RNF144A: variants seen among roughly 807,000 people sequenced by gnomAD.
RNF144A encodes ring finger protein 144A, also known as E3 ubiquitin-protein ligase RNF144A.
RNF144A carries 11 observed loss-of-function variants against 38.7 expected under a neutral mutation model. The observed-to-expected ratio is 0.28, with a 90% CI of 0.18 to 0.47. The LOEUF (loss-of-function observed/expected upper bound fraction) is 0.47, where lower values mean the gene tolerates loss of function less well. Among genes scored for constraint, RNF144A ranks in the 20% least tolerant of loss-of-function variants. The pLI is 0.99. For synonymous variants in RNF144A, 149 were observed against 143.9 expected (o/e 1.04, Z -0.25); for missense variants, 316 against 377.2 (o/e 0.84, Z 1.34).
In RNF144A at chr2:7,043,980, A is replaced by T; in HGVS notation, c.*4220A>T. On this transcript the variant is annotated 3_prime_UTR_variant, in exon 9 of 9. Coordinates refer to ENST00000320892, the MANE Select transcript of RNF144A (RefSeq NM_014746.6). Reference sequence around the variant, plus strand: ...TTGAAATGTCAGTACATTTTGTGCCACTAACACTGTGATGTATAAAAGAGC... The same window carrying T: ...TTGAAATGTCAGTACATTTTGTGCCTCTAACACTGTGATGTATAAAAGAGC... The T allele has an allele frequency of 1.0e-6, 1 of 985,900 alleles. No individual in the cohort carries two copies. The highest frequency in any genetic ancestry group is 1.2e-6 in the Non-Finnish European group (1 of 829,916). 61.1% of individuals were successfully genotyped at this position (985,900 alleles called of 1,614,324 possible).
chr2:7,049,192 G>A (rs1450421689), intron 6 of RNF144A, among the ~76,000 whole-genome samples: 2 of 152,200 alleles, frequency 1.3e-5, no homozygotes, highest in Non-Finnish European at 2.9e-5. Flanking sequence ...TGGGGGATGG[G>A]CTGGCCTTCC....
rs1404566657 is a variant in RNF144A at position 7,040,063 on chromosome 2, A to G, written c.*303A>G. 6.1e-5 allele frequency: 67 copies of G among 1,095,980 alleles called. No homozygotes were observed. The highest frequency in any genetic ancestry group is 7.2e-5 in the Non-Finnish European group (65 of 899,610). 67.9% of individuals were successfully genotyped at this position (1,095,980 alleles called of 1,614,324 possible). On this transcript the variant is annotated 3_prime_UTR_variant, in exon 9 of 9. Transcript: ENST00000320892. ...GCTTTCTCTCTGTGGTAGACTAGGCATGTCTGGGGATGGCCTAAGAGACTT... is the reference window on the plus strand; with the variant it reads ...GCTTTCTCTCTGTGGTAGACTAGGCGTGTCTGGGGATGGCCTAAGAGACTT...
At position 7,024,356 on chromosome 2, in the gene RNF144A, G is replaced by A. The variant is rs374630253; in HGVS notation, c.510-13G>A. The stretch of plus-strand genomic sequence containing the variant: ...TCCGTTTGTGCAGAGTCCTCACGGC[G>A]TTTCTCCCACAGTGCTGCTTTCAAA... On this transcript the variant is annotated splice_polypyrimidine_tract_variant and intron_variant, in intron 6 of 8. Coordinates refer to ENST00000320892, the MANE Select transcript of RNF144A (RefSeq NM_014746.6). 25 of 1,592,378 alleles carry A rather than the reference G, an allele frequency of 1.6e-5. No homozygotes were observed. The highest frequency in any genetic ancestry group is 1.2e-4 in the African/African-American group (9 of 74,648).
intron 8 of RNF144A, among the ~76,000 whole-genome samples, chr2:7,032,218 C>A (rs1003874027): frequency 6.6e-6 from 1 of 151,846 alleles, no homozygotes; most frequent in African/African-American, 2.4e-5. Flanking sequence ...CTGGAATCCG[C>A]GCCCCTTGCA....
At chr2:6,936,484 C>T (rs1207778686) in intron 1 of RNF144A, among the ~76,000 whole-genome samples, 2 of 151,982 alleles carry the variant, frequency 1.3e-5, no homozygotes, top group Admixed American at 1.3e-4. Context: ...TTCTCATAAG[C>T]CTTTTTATTG....
At chr2:7,014,125 A>G (rs944267874) in intron 3 of RNF144A, among the ~76,000 whole-genome samples, 2 of 152,234 alleles carry the variant, frequency 1.3e-5, no homozygotes, top group Non-Finnish European at 2.9e-5. Context: ...CATTTGAGAA[A>G]TATTACCTCC....
intron 3 of RNF144A, among the ~76,000 whole-genome samples, chr2:7,013,716 A>G (rs1266344272): frequency 6.6e-6 from 1 of 152,208 alleles, no homozygotes; most frequent in East Asian, 1.9e-4. Flanking sequence ...AGACTAGTAG[A>G]CTTTGTAAAG....
At position 6,943,826 on chromosome 2, in the gene RNF144A, T is replaced by C. The variant is rs1666168691; in HGVS notation, c.-12+2679T>C. 6.6e-6 allele frequency among the ~76,000 whole-genome samples: 1 copy of C among 151,914 alleles called. No homozygotes were observed. The highest frequency in any genetic ancestry group is 2.4e-5 in the African/African-American group (1 of 41,356). On this transcript the variant is annotated intron_variant, in intron 2 of 8. Transcript: ENST00000320892. This position sits in a 1 kb window ranked among gnomAD's most constrained non-coding sequence, Gnocchi z 4.3. ...TCTGAGCATGCTACATGGAGAGGGATTGGAAGTTTGCAGAGACCAGGAGGC... is the reference window on the plus strand; with the variant it reads ...TCTGAGCATGCTACATGGAGAGGGACTGGAAGTTTGCAGAGACCAGGAGGC...
At chr2:6,947,171 A>G (rs549051574) in intron 2 of RNF144A, among the ~76,000 whole-genome samples, 7 of 152,240 alleles carry the variant, frequency 4.6e-5, no homozygotes, top group African/African-American at 1.7e-4. Context: ...ATATTTATCC[A>G]TAGATATACA....
chr2:7,019,414 C>G (rs1355014036), intron 5 of RNF144A, among the ~76,000 whole-genome samples: 1 of 152,204 alleles, frequency 6.6e-6, no homozygotes, highest in African/African-American at 2.4e-5. Flanking sequence ...CACAGGCGAG[C>G]GGGAGCTGCC....
chr2:6,967,427 G>A (rs190165220), intron 2 of RNF144A, among the ~76,000 whole-genome samples: 14 of 152,346 alleles, frequency 9.2e-5, no homozygotes, highest in Admixed American at 9.1e-4. Flanking sequence ...CCAGGGTCTT[G>A]TTAGTATCCC....
At chr2:7,038,500 G>T (rs1316422442) in intron 8 of RNF144A, among the ~76,000 whole-genome samples, 2 of 152,196 alleles carry the variant, frequency 1.3e-5, no homozygotes, top group African/African-American at 4.8e-5. Context: ...AGTGTCAAGT[G>T]CAGTGTCTGG....
At chr2:7,046,780 A>G (rs1436777636), downstream of RNF144A, among the ~76,000 whole-genome samples, 1 of 152,226 alleles carries the variant, frequency 6.6e-6, no homozygotes, top group African/African-American at 2.4e-5. Flanking sequence ...AAATGGAGTC[A>G]ATATTTTCAT....
rs567238003 is a variant in RNF144A, at chr2:7,023,648, A to C, written c.510-721A>C. Among the ~76,000 whole-genome samples, 8 of 152,328 alleles carry C rather than the reference A, an allele frequency of 5.3e-5. No individual in the cohort carries two copies. The South Asian group carries it at 1.0e-3, about 20-fold the overall frequency. On this transcript the variant is annotated intron_variant, in intron 6 of 8. Transcript: ENST00000320892. Reference sequence around the variant, plus strand: ...CCTAATGTCTGTGTTATCTTTCTTTAGCAACATTGAACTACTGCTACCCTT... The same window carrying C: ...CCTAATGTCTGTGTTATCTTTCTTTCGCAACATTGAACTACTGCTACCCTT...
At chr2:7,022,711 A>T (rs1671614840) in intron 6 of RNF144A, among the ~76,000 whole-genome samples, 1 of 152,198 alleles carries the variant, frequency 6.6e-6, no homozygotes, top group Non-Finnish European at 1.5e-5. Context: ...CCGGTGTCTC[A>T]TGACTTCCAG....
At chr2:6,919,116 G>A (rs1664365267) in intron 1 of RNF144A, among the ~76,000 whole-genome samples, 1 of 152,184 alleles carries the variant, frequency 6.6e-6, no homozygotes, top group African/African-American at 2.4e-5. Flanking sequence ...AGGGAAGGGA[G>A]GGAGTCAGGG....
At chr2:6,949,124 G>C (rs1471886004) in intron 2 of RNF144A, among the ~76,000 whole-genome samples, 2 of 152,152 alleles carry the variant, frequency 1.3e-5, no homozygotes, top group African/African-American at 2.4e-5. Flanking sequence ...GCTAAAGTCA[G>C]CCCAAGAGAG....
chr2:6,997,167 A>C (rs1041119582), intron 3 of RNF144A, 106 bp downstream of exon 3: 1 of 1,093,142 alleles, frequency 9.1e-7, no homozygotes, highest in Admixed American at 1.9e-5. Context: ...TTTGCCTGAC[A>C]GTGGAGTCTT....
At chr2:6,980,574 T>A (rs1433920461) in intron 2 of RNF144A, among the ~76,000 whole-genome samples, 1 of 152,260 alleles carries the variant, frequency 6.6e-6, no homozygotes, top group East Asian at 1.9e-4. Flanking sequence ...GGGTAGGCTC[T>A]CACGGCCTTG....
Sources: gnomAD v4.1 joint callset for allele counts (sites outside exome capture counted in the v4.1 genomes callset) on GRCh38, gnomAD v4.1.1 for gene constraint, Gnocchi (gnomAD v3.1) non-coding constraint, MANE v1.5 for transcripts, NCBI Gene and HGNC (gene_info 2026-07-23, HGNC 2026-07-21) for gene names.